GUCY1A2: variants seen among roughly 807,000 people sequenced by gnomAD.
The protein encoded by GUCY1A2 is guanylate cyclase 1 soluble subunit alpha 2.
A neutral mutation model predicts 63.5 loss-of-function variants in GUCY1A2; 27 were observed. That is an observed-to-expected ratio of 0.43 (90% CI 0.31 to 0.59). The LOEUF (loss-of-function observed/expected upper bound fraction) is 0.59. GUCY1A2 is among the 20% of genes least tolerant of loss of function. The pLI, the probability that GUCY1A2 is intolerant of heterozygous loss-of-function variation, is 0.11. For synonymous variants in GUCY1A2, 364 were observed against 343.5 expected (o/e 1.06, Z -0.66); for missense variants, 768 against 913.3 (o/e 0.84, Z 2.05).
chr11:106,805,498 G>A (rs1011382951), intron 5 of GUCY1A2, among the ~76,000 whole-genome samples: 2 of 151,986 alleles, frequency 1.3e-5, no homozygotes, highest in South Asian at 2.1e-4. Context: ...CACCCACCTC[G>A]GCCTCCCAAA....
intron 6 of GUCY1A2, among the ~76,000 whole-genome samples, chr11:106,747,122 G>A (rs1479985509): frequency 1.3e-5 from 2 of 151,982 alleles, no homozygotes; most frequent in Admixed American, 1.3e-4. Context: ...CAAATAGCTC[G>A]GACTACAGGC....
At chr11:106,986,914 T>A (rs1002125416) in intron 1 of GUCY1A2, among the ~76,000 whole-genome samples, 1 of 152,128 alleles carries the variant, frequency 6.6e-6, no homozygotes, top group African/African-American at 2.4e-5. Flanking sequence ...CACGATGGCT[T>A]AAGACAGAGG....
intron 1 of GUCY1A2, among the ~76,000 whole-genome samples, chr11:106,996,867 T>C (rs1361331746): frequency 2.0e-5 from 3 of 152,194 alleles, no homozygotes; most frequent in African/African-American, 7.2e-5. Flanking sequence ...GGATCTAGTG[T>C]TGACTATAAT....
Position 106,674,331 on chromosome 11 carries a change from T to G in GUCY1A2, c.*13218A>C, listed in dbSNP as rs11211854. On this transcript the variant is annotated 3_prime_UTR_variant, in exon 8 of 8. Coordinates refer to ENST00000526355, the MANE Select transcript of GUCY1A2 (RefSeq NM_000855.3). Reference sequence around the variant, plus strand: ...AGTAAAAAGTGGTGTTACATGAAAATCAAAGAAGATATTGTGGATATTTAT... The same window carrying G: ...AGTAAAAAGTGGTGTTACATGAAAAGCAAAGAAGATATTGTGGATATTTAT... The G allele has an allele frequency of 0.096, 17,225 of 179,870 alleles. 1,117 individuals are homozygous for G. The highest frequency in any genetic ancestry group is 0.14 in the Non-Finnish European group (12,149 of 84,004). The allele number at this position is 179,870 out of a possible 1,614,324, so 11.1% of individuals were successfully genotyped here. A position where few individuals can be genotyped will look rare whatever the true frequency, so the allele number is the denominator to read the frequency against.
chr11:106,712,982 C>G (rs1863146792), intron 6 of GUCY1A2, among the ~76,000 whole-genome samples: 1 of 152,086 alleles, frequency 6.6e-6, no homozygotes, highest in South Asian at 2.1e-4. Flanking sequence ...CTTTTTGCAA[C>G]TCTTACTTCT....
chr11:106,991,319 T>C (rs1380799167), intron 1 of GUCY1A2, among the ~76,000 whole-genome samples: 2 of 152,186 alleles, frequency 1.3e-5, no homozygotes, highest in East Asian at 3.9e-4. Context: ...TATTTAAATA[T>C]GACAAAATAT....
At chr11:106,744,187 G>A (rs1863745526) in intron 6 of GUCY1A2, among the ~76,000 whole-genome samples, 4 of 149,902 alleles carry the variant, frequency 2.7e-5, no homozygotes, top group South Asian at 2.1e-4. Context: ...GAGAAACTCT[G>A]TAAACTTCTA....
chr11:106,860,359 T>C (rs1859494093), intron 4 of GUCY1A2, among the ~76,000 whole-genome samples: 1 of 151,852 alleles, frequency 6.6e-6, no homozygotes, highest in African/African-American at 2.4e-5. Flanking sequence ...AAGTGTCTAG[T>C]ATTTATCAAA....
intron 1 of GUCY1A2, among the ~76,000 whole-genome samples, chr11:107,010,166 G>A (rs777924362): frequency 1.2e-4 from 18 of 151,956 alleles, no homozygotes; most frequent in South Asian, 4.2e-4. Context: ...CAAATTTCCC[G>A]CCTTCCAAGA....
At chr11:106,747,271 A>AG (rs1484484131) in intron 6 of GUCY1A2, among the ~76,000 whole-genome samples, 1 of 151,216 alleles carries the variant, frequency 6.6e-6, no homozygotes, top group Non-Finnish European at 1.5e-5. Context: ...TACAGGCGTA[A>AG]GCCACCGCGC....
At chr11:106,885,063 G>A (rs1264232577) in intron 4 of GUCY1A2, among the ~76,000 whole-genome samples, 1 of 152,136 alleles carries the variant, frequency 6.6e-6, no homozygotes, top group African/African-American at 2.4e-5. Context: ...GCCCCCTGGA[G>A]TAGAAATTAT....
intron 5 of GUCY1A2, among the ~76,000 whole-genome samples, chr11:106,800,884 TA>T (rs879841776): frequency 0.021 from 3,011 of 140,974 alleles, 74 homozygotes; most frequent in African/African-American, 0.069. Context: ...ACTTAAAGTA[TA>T]AAAAAAAAAA....
chr11:106,842,737 A>AGGTGGGT (rs1565307307), intron 4 of GUCY1A2, among the ~76,000 whole-genome samples: 1 of 151,846 alleles, frequency 6.6e-6, no homozygotes, highest in Non-Finnish European at 1.5e-5. Flanking sequence ...GGAGGAATGA[A>AGGTGGGT]GGTGGGTGGT....
At chr11:106,815,157 G>T (rs1432157243) in intron 4 of GUCY1A2, among the ~76,000 whole-genome samples, 1 of 151,984 alleles carries the variant, frequency 6.6e-6, no homozygotes. Flanking sequence ...AAAACATGCT[G>T]GGTGGGCTCA....
At position 107,018,102 on chromosome 11, in the gene GUCY1A2, G is replaced by C. The variant is rs780080531; in HGVS notation, c.-47C>G. The C allele has an allele frequency of 1.6e-6, 2 of 1,288,146 alleles. No individual in the cohort carries two copies. Among genetic ancestry groups the C allele is most frequent in the Non-Finnish European group, 1.0e-6 (1 of 980,248 alleles). 79.8% of individuals were successfully genotyped at this position (1,288,146 alleles called of 1,614,324 possible). On this transcript the variant is annotated 5_prime_UTR_variant, in exon 1 of 8. Coordinates refer to ENST00000526355, the MANE Select transcript of GUCY1A2 (RefSeq NM_000855.3). Reference sequence around the variant, plus strand: ...GCCGAGGCGGTGGCGGCGAGGACGCGAGCGGCGGCGGAGGCGGCGGTGGCG... The same window carrying C: ...GCCGAGGCGGTGGCGGCGAGGACGCCAGCGGCGGCGGAGGCGGCGGTGGCG...
intron 4 of GUCY1A2, among the ~76,000 whole-genome samples, chr11:106,886,023 T>A (rs1859896251): frequency 6.6e-6 from 1 of 152,160 alleles, no homozygotes; most frequent in South Asian, 2.1e-4. Flanking sequence ...AAAAGGAGGA[T>A]AACTACGTGT....
intron 3 of GUCY1A2, among the ~76,000 whole-genome samples, chr11:106,958,977 G>A (rs1213273881): frequency 6.6e-6 from 1 of 152,186 alleles, no homozygotes; most frequent in Admixed American, 6.5e-5. Flanking sequence ...CCGTGAAAAT[G>A]AGTATCAGTG....
chr11:106,818,381 A>T (rs1858858605), intron 4 of GUCY1A2, among the ~76,000 whole-genome samples: 1 of 152,090 alleles, frequency 6.6e-6, no homozygotes, highest in Non-Finnish European at 1.5e-5. Flanking sequence ...TACTATGGTA[A>T]TTGTTTTGGG....
At chr11:107,016,636 C>CA (rs1861827192) in intron 1 of GUCY1A2, among the ~76,000 whole-genome samples, 1 of 152,026 alleles carries the variant, frequency 6.6e-6, no homozygotes, top group African/African-American at 2.4e-5. Flanking sequence ...TATAAAGAAG[C>CA]CACCAAAAAA....
Sources: allele counts gnomAD v4.1 joint callset (sites outside exome capture counted in the v4.1 genomes callset), GRCh38; gene constraint gnomAD v4.1.1; transcripts MANE v1.5; gene names NCBI Gene and HGNC (gene_info 2026-07-23, HGNC 2026-07-21).